The following TOX3 variants were observed in gnomAD, a reference collection of about 807,000 sequenced individuals.
The protein encoded by TOX3 is TOX high mobility group box family member 3.
Under a neutral mutation model 64.3 loss-of-function variants are expected in TOX3, and 22 were observed. The observed-to-expected ratio is 0.34, with a 90% confidence interval of 0.24 to 0.49. TOX3 has a LOEUF of 0.49. TOX3 is among the 20% of genes least tolerant of loss of function. The probability of loss-of-function intolerance (pLI) is 0.99; values close to 1 mark genes in which losing one functional copy is unlikely to be tolerated. For missense variants in TOX3, 661 were observed against 714.4 expected (o/e 0.93, Z 0.85); for synonymous variants, 291 against 273.6 (o/e 1.06, Z -0.63).
rs1959857322 is a variant in TOX3, at chr16:52,439,312, C to A, written c.1644G>T (p.Gly548=). 1 of 1,613,664 alleles carries A rather than the reference C, an allele frequency of 6.2e-7. No homozygotes were observed. Among genetic ancestry groups the A allele is most frequent in the African/African-American group, 1.3e-5 (1 of 74,858 alleles). Residue 548 remains glycine, a synonymous_variant, in exon 7 of 7, where the codon GGG becomes GGT. Transcript: ENST00000219746. ...SQITSPIPAI[G]SPQPASQQHQ... ...GCTGCTGAGAGGCTGGCTGGGGGCT[C>A]CCGATGGCAGGGATGGGGGATGTTA...
chr16:52,457,462 C>T (rs1251370930), intron 3 of TOX3, among the ~76,000 whole-genome samples: 2 of 152,022 alleles, frequency 1.3e-5, no homozygotes, highest in Non-Finnish European at 2.9e-5. Context: ...AGCATAACAT[C>T]CAATTAAGAA....
intron 3 of TOX3, among the ~76,000 whole-genome samples, chr16:52,454,933 TG>T (rs879938349): frequency 1.4e-4 from 21 of 152,170 alleles, no homozygotes; most frequent in African/African-American, 3.6e-4. Context: ...AATAAGGAAA[TG>T]TATAACTATG....
intron 1 of TOX3, among the ~76,000 whole-genome samples, chr16:52,511,758 A>C (rs773506657): frequency 1.3e-5 from 2 of 152,202 alleles, no homozygotes; most frequent in Non-Finnish European, 2.9e-5. Flanking sequence ...TGGCAGCAAT[A>C]GTTTGAAGAG....
rs67145443 is a variant in TOX3, at chr16:52,437,789, T to TAAAAAAAAAAAAAAAAAAAAAAAAAAA, written c.*1435_*1436insTTTTTTTTTTTTTTTTTTTTTTTTTTT. ...CTATACTTACCTTGTACTTGCATCT[T>TAAAAAAAAAAAAAAAAAAAAAAAAAAA]AAAAAAAAAAAAAAAAAAAAAAAAG... On this transcript the variant is annotated 3_prime_UTR_variant, in exon 7 of 7. Transcript: ENST00000219746. Among the ~76,000 whole-genome samples, 1 of 111,366 alleles carries TAAAAAAAAAAAAAAAAAAAAAAAAAAA rather than the reference T, an allele frequency of 9.0e-6. No individual in the cohort carries two copies. The highest frequency in any genetic ancestry group is 1.8e-5 in the Non-Finnish European group (1 of 54,782). The allele number at this position is 111,366 out of a possible 152,430, so 73.1% of individuals were successfully genotyped here.
rs888893431 is a variant in TOX3, at chr16:52,464,242, C to T, written c.154-54G>A. On this transcript the variant is annotated intron_variant, in intron 2 of 6. Coordinates refer to ENST00000219746, the MANE Select transcript of TOX3 (RefSeq NM_001080430.4). ...CATATTCTGTTCCTATATCTTATTC[C>T]TCCGGGGAGGGAAAGAGAAAGACAT... 2.2e-6 allele frequency: 3 copies of T among 1,378,732 alleles called. No individual in the cohort carries two copies. In the African/African-American group the frequency reaches 4.5e-5, roughly 20 times the overall value. 85.4% of individuals were successfully genotyped at this position (1,378,732 alleles called of 1,614,324 possible). A position where few individuals can be genotyped will look rare whatever the true frequency, so the allele number is the denominator to read the frequency against.
chr16:52,523,018 G>A (rs1423111726), intron 1 of TOX3, among the ~76,000 whole-genome samples: 2 of 152,334 alleles, frequency 1.3e-5, no homozygotes, highest in African/African-American at 4.8e-5. Context: ...GCATGGAGGA[G>A]AGAGACAATG....
At chr16:52,518,570 AATGGT>A (rs1217689669) in intron 1 of TOX3, among the ~76,000 whole-genome samples, 11 of 152,216 alleles carry the variant, frequency 7.2e-5, no homozygotes, top group Non-Finnish European at 1.2e-4. Flanking sequence ...TATTGTTGCT[AATGGT>A]ATCCATCCTA....
intron 2 of TOX3, among the ~76,000 whole-genome samples, chr16:52,464,880 G>A (rs941878197): frequency 1.3e-5 from 2 of 151,618 alleles, no homozygotes; most frequent in African/African-American, 4.8e-5. Context: ...ACCAGTCTTC[G>A]ACTTTTTAAA....
At chr16:52,470,177 G>C (rs1331845441) in intron 1 of TOX3, among the ~76,000 whole-genome samples, 1 of 152,178 alleles carries the variant, frequency 6.6e-6, no homozygotes, top group East Asian at 1.9e-4. Context: ...ATACATGCAA[G>C]AAAAAGTATT....
intron 1 of TOX3, among the ~76,000 whole-genome samples, chr16:52,470,553 G>C (rs1363218529): frequency 6.6e-6 from 1 of 152,168 alleles, no homozygotes; most frequent in African/African-American, 2.4e-5. Context: ...TAAGCTTAGA[G>C]TGAAATAAGA....
intron 1 of TOX3, chr16:52,519,665 G>A: frequency 3.1e-6 from 4 of 1,273,728 alleles, no homozygotes; most frequent in Non-Finnish European, 4.1e-6. Context: ...CAAGCAAGAA[G>A]TAGTAGAATG....
At chr16:52,506,259 T>C (rs1962160125) in intron 1 of TOX3, among the ~76,000 whole-genome samples, 1 of 152,216 alleles carries the variant, frequency 6.6e-6, no homozygotes, top group South Asian at 2.1e-4. Context: ...AAAATGCTCA[T>C]ACTCTTTATA....
chr16:52,531,255 G>A (rs540486336), intron 1 of TOX3, among the ~76,000 whole-genome samples: 38 of 152,246 alleles, frequency 2.5e-4, no homozygotes, highest in African/African-American at 9.1e-4. Flanking sequence ...ATCCAGGAAA[G>A]GTGCAAAAAT....
At chr16:52,465,531 C>A (rs1272997181) in intron 2 of TOX3, among the ~76,000 whole-genome samples, 1 of 62,526 alleles carries the variant, frequency 1.6e-5, no homozygotes, top group Admixed American at 2.3e-4. Flanking sequence ...ATTTTTTATT[C>A]CTAGCTCAGA....
At chr16:52,450,679 G>A in intron 3 of TOX3, 133 bp from the exon 4 acceptor site, 1 of 1,115,540 alleles carries the variant, frequency 9.0e-7, no homozygotes. Context: ...CAGGATGATG[G>A]TCTCCGTTCA....
chr16:52,453,129 G>C (rs1242402158), intron 3 of TOX3, among the ~76,000 whole-genome samples: 17 of 151,730 alleles, frequency 1.1e-4, no homozygotes, highest in Admixed American at 1.1e-3. Context: ...CCACACTACT[G>C]GTAATTACGC....
At chr16:52,514,601 GGAA>G (rs1962395703) in intron 1 of TOX3, among the ~76,000 whole-genome samples, 1 of 152,124 alleles carries the variant, frequency 6.6e-6, no homozygotes, top group African/African-American at 2.4e-5. Flanking sequence ...TGAGTATATT[GGAA>G]GAAGATCAGT....
At chr16:52,538,585 C>T (rs1170918855) in intron 1 of TOX3, among the ~76,000 whole-genome samples, 1 of 151,964 alleles carries the variant, frequency 6.6e-6, no homozygotes, top group African/African-American at 2.4e-5. Context: ...ATAGAAGGAC[C>T]CAGCTTAAAA....
At chr16:52,536,455 A>C (rs1962945801) in intron 1 of TOX3, among the ~76,000 whole-genome samples, 1 of 151,118 alleles carries the variant, frequency 6.6e-6, no homozygotes, top group Non-Finnish European at 1.5e-5. Flanking sequence ...GAAGGCTGGT[A>C]CCGTTAAAAC....
Sources: allele counts gnomAD v4.1 joint callset (sites outside exome capture counted in the v4.1 genomes callset), GRCh38; gene constraint gnomAD v4.1.1; transcripts MANE v1.5; gene names NCBI Gene and HGNC (gene_info 2026-07-23, HGNC 2026-07-21).